PPFIA2: variants seen among roughly 807,000 people sequenced by gnomAD.
The protein encoded by PPFIA2 is PPFI scaffold protein A2.
In PPFIA2, 46 loss-of-function variants were observed where a neutral mutation model predicts 175.5. That is an observed-to-expected ratio of 0.26 (90% CI 0.21 to 0.34). The LOEUF (loss-of-function observed/expected upper bound fraction) is 0.34, where lower values mean the gene tolerates loss of function less well. PPFIA2 is among the 10% of genes least tolerant of loss of function. The pLI, the probability that PPFIA2 is intolerant of heterozygous loss-of-function variation, is 1.00. For missense variants in PPFIA2, 1,179 were observed against 1,506.1 expected, an observed-to-expected ratio of 0.78 and a Z score of 3.60; for synonymous variants, 568 against 511.4, an observed-to-expected ratio of 1.11 and a Z score of -1.49.
Position 81,484,156 on chromosome 12 carries a change from G to A in PPFIA2, c.304-26290C>T, listed in dbSNP as rs192054711. On this transcript the variant is annotated intron_variant, in intron 4 of 32. Transcript: ENST00000549396. ...TCAGAGTTTCATTTTTCTGCCCTAT[G>A]AAAGACCAAATAAAAAGCCTAAAAT... Among the ~76,000 whole-genome samples the A allele has an allele frequency of 4.3e-4, 65 of 151,924 alleles. 1 individual carries two copies. Among genetic ancestry groups the A allele is most frequent in the African/African-American group, 1.4e-3 (56 of 41,434 alleles).
intron 4 of PPFIA2, among the ~76,000 whole-genome samples, chr12:81,519,690 A>G (rs537476060): frequency 2.0e-5 from 3 of 152,306 alleles, no homozygotes; most frequent in East Asian, 1.9e-4. Context: ...TGCTCCTAAA[A>G]CCTTCACAGC....
chr12:81,677,348 C>T (rs1438833323), intron 3 of PPFIA2, among the ~76,000 whole-genome samples: 10 of 151,718 alleles, frequency 6.6e-5, no homozygotes, highest in Admixed American at 1.3e-4. Flanking sequence ...GTTTTGGAAA[C>T]GTTCCAAATA....
chr12:81,606,224 T>C (rs1399017846), intron 4 of PPFIA2, among the ~76,000 whole-genome samples: 1 of 152,034 alleles, frequency 6.6e-6, no homozygotes, highest in African/African-American at 2.4e-5. Context: ...CCACCATTGA[T>C]GGGCACCCAG....
At chr12:81,660,649 C>T (rs1175842715) in intron 4 of PPFIA2, among the ~76,000 whole-genome samples, 2 of 152,096 alleles carry the variant, frequency 1.3e-5, no homozygotes, top group Non-Finnish European at 2.9e-5. Context: ...GAGAACTTCC[C>T]CAATCTAGCA....
chr12:81,347,855 TAATA>T, intron 17 of PPFIA2, 85 bp from the exon 18 acceptor site: 2 of 1,511,956 alleles, frequency 1.3e-6, no homozygotes, highest in East Asian at 2.4e-5. Context: ...GGAATTCACA[TAATA>T]AATCAGTAGA....
intron 4 of PPFIA2, among the ~76,000 whole-genome samples, chr12:81,600,978 G>C (rs2059732558): frequency 6.6e-6 from 1 of 151,808 alleles, no homozygotes; most frequent in South Asian, 2.1e-4. Flanking sequence ...AAATGTTTTT[G>C]GTAAAATATC....
intron 7 of PPFIA2, among the ~76,000 whole-genome samples, chr12:81,432,750 C>A (rs1393957726): frequency 1.3e-5 from 2 of 152,040 alleles, no homozygotes; most frequent in African/African-American, 4.8e-5. Context: ...AGCCACTACG[C>A]CCGGCTAGAA....
chr12:81,266,599 A>G (rs2037332186), intron 30 of PPFIA2, among the ~76,000 whole-genome samples: 1 of 152,178 alleles, frequency 6.6e-6, no homozygotes, highest in Admixed American at 6.5e-5. Context: ...TTTAAGAAAT[A>G]CACGCACTCT....
At chr12:81,291,940 G>C (rs550326061) in intron 24 of PPFIA2, among the ~76,000 whole-genome samples, 15 of 152,144 alleles carry the variant, frequency 9.9e-5, no homozygotes, top group African/African-American at 3.6e-4. Context: ...GGTGAACTGA[G>C]GCTAGATCAT....
intron 20 of PPFIA2, among the ~76,000 whole-genome samples, chr12:81,340,166 CTT>C (rs773466155): frequency 1.3e-5 from 2 of 152,036 alleles, no homozygotes; most frequent in South Asian, 4.1e-4. Context: ...GAAATATACT[CTT>C]TTTTGGAGAG....
At chr12:81,443,278 A>G (rs2050568449) in intron 6 of PPFIA2, among the ~76,000 whole-genome samples, 1 of 152,054 alleles carries the variant, frequency 6.6e-6, no homozygotes, top group Non-Finnish European at 1.5e-5. Context: ...TTGAGAATGA[A>G]TGATCAAGTC....
At chr12:81,417,680 T>G (rs1328428337) in intron 7 of PPFIA2, among the ~76,000 whole-genome samples, 1 of 151,832 alleles carries the variant, frequency 6.6e-6, no homozygotes, top group Non-Finnish European at 1.5e-5. Context: ...AATTATCATG[T>G]TACATTTATC....
rs2037462403 is a variant in PPFIA2 at position 81,267,040 on chromosome 12, G to C, written c.3487-20C>G. 3 of 1,567,090 alleles carry C rather than the reference G, an allele frequency of 1.9e-6. No individual in the cohort carries two copies. The highest frequency in any genetic ancestry group is 2.6e-6 in the Non-Finnish European group (3 of 1,138,318). ...CCTTGCCTGTTGACGTCAAATTACA[G>C]TTACCATCACCGAAATCACATTTTA... On this transcript the variant is annotated intron_variant, in intron 29 of 32. Transcript: ENST00000549396.
chr12:81,268,858 AT>A (rs1293224016), intron 28 of PPFIA2, among the ~76,000 whole-genome samples: 4 of 152,190 alleles, frequency 2.6e-5, no homozygotes, highest in South Asian at 2.1e-4. Context: ...AGACTAGAAG[AT>A]TTTTTTTCAC....
In PPFIA2 at chr12:81,443,943, C is replaced by T. The variant is rs190541857; in HGVS notation, c.570+1613G>A. Among the ~76,000 whole-genome samples, 108 of 148,356 alleles carry T rather than the reference C, an allele frequency of 7.3e-4. 1 individual carries two copies. The East Asian group carries it at 0.019, about 27-fold the overall frequency. On this transcript the variant is annotated intron_variant, in intron 6 of 32. Transcript: ENST00000549396. Reference sequence around the variant, plus strand: ...GATCTGGGCTCACTGCAAGCTCCACCTCCCGGGTTCACGCCATTCTCCTGC... The same window carrying T: ...GATCTGGGCTCACTGCAAGCTCCACTTCCCGGGTTCACGCCATTCTCCTGC...
intron 4 of PPFIA2, among the ~76,000 whole-genome samples, chr12:81,545,045 C>T (rs564180513): frequency 1.6e-4 from 24 of 151,436 alleles, no homozygotes; most frequent in Non-Finnish European, 3.0e-4. Context: ...TGGTACAACA[C>T]TTTCATTCTT....
At chr12:81,555,920 G>A (rs1009542676) in intron 4 of PPFIA2, among the ~76,000 whole-genome samples, 8 of 151,770 alleles carry the variant, frequency 5.3e-5, no homozygotes, top group Admixed American at 2.0e-4. Flanking sequence ...GAACCTTGTC[G>A]CCCATCAGGA....
chr12:81,498,934 G>A (rs1360843840), intron 4 of PPFIA2, among the ~76,000 whole-genome samples: 1 of 152,114 alleles, frequency 6.6e-6, no homozygotes, highest in African/African-American at 2.4e-5. Flanking sequence ...CATGGGGATT[G>A]TAAAATGCAT....
intron 4 of PPFIA2, among the ~76,000 whole-genome samples, chr12:81,466,858 T>A (rs557772210): frequency 1.4e-5 from 2 of 147,520 alleles, no homozygotes; most frequent in Non-Finnish European, 1.5e-5. Flanking sequence ...TATTAAAAAA[T>A]ATATATAATT....
Sources: allele counts gnomAD v4.1 joint callset (sites outside exome capture counted in the v4.1 genomes callset), GRCh38; gene constraint gnomAD v4.1.1; transcripts MANE v1.5; gene names NCBI Gene and HGNC (gene_info 2026-07-23, HGNC 2026-07-21).